ALG12: variants seen among roughly 807,000 people sequenced by gnomAD.
The protein encoded by ALG12 is dol-P-Man:Man(7)GlcNAc(2)-PP-Dol alpha-1,6-mannosyltransferase.
In ALG12, 36 loss-of-function variants were observed where a neutral mutation model predicts 46.0. The observed-to-expected ratio is 0.78, with a 90% CI of 0.60 to 1.03. The LOEUF (loss-of-function observed/expected upper bound fraction) is 1.03. ALG12 is among the 50% of genes least tolerant of loss of function. The pLI, the probability that ALG12 is intolerant of heterozygous loss-of-function variation, is 0.00. For synonymous variants in ALG12, 326 were observed against 291.6 expected, an observed-to-expected ratio of 1.12 and a Z score of -1.20; for missense variants, 599 against 633.5, an observed-to-expected ratio of 0.95 and a Z score of 0.58.
At chr22:49,909,741 G>A (rs1026478341) in intron 5 of ALG12, among the ~76,000 whole-genome samples, 153 bp downstream of exon 5, 5 of 152,164 alleles carry the variant, frequency 3.3e-5, no homozygotes, top group Admixed American at 6.5e-5. Flanking sequence ...GGAGATCCCC[G>A]GGCAGGGGGC....
At position 49,907,946 on chromosome 22, in the gene ALG12, T is replaced by G; in HGVS notation, c.769-2A>C. On this transcript the variant is annotated splice_acceptor_variant, in intron 6 of 9. Coordinates refer to ENST00000330817, the MANE Select transcript of ALG12 (RefSeq NM_024105.4). LOFTEE classifies it high-confidence loss of function. ...GAAGTACCACAGCAGCGGGGAGGTC[T>G]GCGGGCTGGGTTAAGGAGGCCACGC... 1 of 1,611,752 alleles carries G rather than the reference T, an allele frequency of 6.2e-7. No individual in the cohort carries two copies.
Position 49,913,496 on chromosome 22 carries a change from C to T in ALG12, c.184G>A (p.Gly62Arg), listed in dbSNP as rs777719396. Residue 62 changes from glycine to arginine, a missense_variant, in exon 3 of 10, where the codon GGA becomes AGA. Transcript: ENST00000330817. ...LEQYDHLEFP[G>R]VVPRTFLGPV... Reference sequence around the variant, plus strand: ...CCGAGGAACGTCCTGGGGACGACTCCGGGGAACTCAAGATGGTCGTACTGC... The same window carrying T: ...CCGAGGAACGTCCTGGGGACGACTCTGGGGAACTCAAGATGGTCGTACTGC... 1.1e-5 allele frequency: 18 copies of T among 1,613,812 alleles called. No individual in the cohort carries two copies. The highest frequency in any genetic ancestry group is 8.0e-5 in the African/African-American group (6 of 74,952).
At chr22:49,912,069 T>TC (rs112341610) in intron 3 of ALG12, among the ~76,000 whole-genome samples, 7,392 of 85,738 alleles carry the variant, frequency 0.086, 265 homozygotes, top group African/African-American at 0.32. Flanking sequence ...GGGATCAGCC[T>TC]GGCCCCGGGA....
intron 3 of ALG12, among the ~76,000 whole-genome samples, chr22:49,912,551 C>G (rs1446484112): frequency 6.6e-6 from 1 of 152,370 alleles, no homozygotes; most frequent in Middle Eastern, 3.4e-3. Flanking sequence ...CGTTCCCAAT[C>G]TGCCCCTTCA....
Position 49,904,358 on chromosome 22 carries a change from G to C in ALG12, c.1141C>G (p.Gln381Glu), listed in dbSNP as rs200913908. The C allele has an allele frequency of 1.1e-5, 17 of 1,614,110 alleles. No homozygotes were observed. Among genetic ancestry groups the C allele is most frequent in the Non-Finnish European group, 1.2e-5 (14 of 1,180,054 alleles). ...PGGVAMQRLHQLVPPQTDVLL... is the reference protein window; with the variant it reads ...PGGVAMQRLHELVPPQTDVLL... Reference sequence around the variant, plus strand: ...CCACCTGTCTGGGGGGGCACCAGCTGGTGCAGCCTCTGCATTGCGACGCCA... The same window carrying C: ...CCACCTGTCTGGGGGGGCACCAGCTCGTGCAGCCTCTGCATTGCGACGCCA... Residue 381 changes from glutamine (Q) to glutamate (E), a missense_variant, in exon 8 of 10, where the codon CAG (glutamine) becomes GAG (glutamate). By Grantham distance (29) the Gln-to-Glu change is conservative (BLOSUM62 2). Transcript: ENST00000330817.
the ALG12 span, among the ~76,000 whole-genome samples, chr22:49,894,248 G>A: frequency 6.6e-6 from 1 of 152,268 alleles, no homozygotes; most frequent in African/African-American, 2.4e-5. Context: ...GATGAAACTG[G>A]ACTAATACCT....
At chr22:49,904,581 G>C in intron 7 of ALG12, 75 bp from the exon 8 acceptor site, 1 of 1,540,198 alleles carries the variant, frequency 6.5e-7, no homozygotes, top group Non-Finnish European at 8.9e-7. Context: ...AAACATACTA[G>C]GAGCATAACC....
intron 7 of ALG12, among the ~76,000 whole-genome samples, chr22:49,904,822 C>T (rs908952142): frequency 3.9e-5 from 6 of 152,106 alleles, no homozygotes; most frequent in African/African-American, 1.4e-4. Context: ...TCACTGCAAC[C>T]TCCGCCTCCT....
the ALG12 span, among the ~76,000 whole-genome samples, chr22:49,864,950 C>CTCCCG: frequency 1.3e-5 from 1 of 74,736 alleles, no homozygotes; most frequent in South Asian, 6.0e-4. Flanking sequence ...CCCCCCCCCC[C>CTCCCG]CCGTGAAGTC....
In ALG12 at chr22:49,902,287, T is replaced by TGG. The variant is rs2060514840; in HGVS notation, c.*1550_*1551insCC. ...TGTGTGCATGTGTGCACTGTATGCA[T>TGG]AGTGTGCACGTGTGCACTGTGTGTG... On this transcript the variant is annotated 3_prime_UTR_variant, in exon 10 of 10. Transcript: ENST00000330817. The TGG allele has an allele frequency of 8.1e-6, 1 of 124,022 alleles. No homozygotes were observed. Among genetic ancestry groups the TGG allele is most frequent in the Admixed American group, 8.4e-5 (1 of 11,952 alleles). The allele number at this position is 124,022 out of a possible 1,614,324, so 7.7% of individuals were successfully genotyped here. A position where few individuals can be genotyped will look rare whatever the true frequency, so the allele number is the denominator to read the frequency against.
the ALG12 span, among the ~76,000 whole-genome samples, chr22:49,866,902 C>T: frequency 6.6e-6 from 1 of 152,180 alleles, no homozygotes; most frequent in Non-Finnish European, 1.5e-5. Context: ...GGCAAATGCA[C>T]GTTCTTACCT....
At chr22:49,862,207 T>C in the ALG12 span, among the ~76,000 whole-genome samples, 2 of 152,396 alleles carry the variant, frequency 1.3e-5, 1 homozygote, top group African/African-American at 4.8e-5. Flanking sequence ...GTTGGCCCTG[T>C]GCGTGGAACC....
chr22:49,869,210 A>C, the ALG12 span, among the ~76,000 whole-genome samples: 3 of 151,936 alleles, frequency 2.0e-5, no homozygotes, highest in East Asian at 5.8e-4. Flanking sequence ...TGGCGGTGTC[A>C]GTGTGAAGTT....
chr22:49,863,603 G>C, the ALG12 span, among the ~76,000 whole-genome samples: 1 of 151,350 alleles, frequency 6.6e-6, no homozygotes, highest in Non-Finnish European at 1.5e-5. Flanking sequence ...CTCCAGCCTG[G>C]GGACAGAGCG....
At chr22:49,887,008 G>A in the ALG12 span, 17 of 1,613,970 alleles carry the variant, frequency 1.1e-5, no homozygotes, top group East Asian at 4.5e-5. Flanking sequence ...GGGGCTGTCC[G>A]CGCTGGCCGT....
At chr22:49,866,527 C>T in the ALG12 span, among the ~76,000 whole-genome samples, 1 of 152,044 alleles carries the variant, frequency 6.6e-6, no homozygotes, top group South Asian at 2.1e-4. Flanking sequence ...TTTTGTGGGA[C>T]CTATAATCTC....
intron 1 of ALG12, among the ~76,000 whole-genome samples, chr22:49,915,984 G>A (rs2060607038): frequency 1.3e-5 from 2 of 152,228 alleles, no homozygotes; most frequent in Non-Finnish European, 2.9e-5. Context: ...CAGCAGCCGG[G>A]AGCGGTGGCT....
chr22:49,881,056 C>A, the ALG12 span, among the ~76,000 whole-genome samples: 2 of 152,298 alleles, frequency 1.3e-5, no homozygotes, highest in East Asian at 1.9e-4. Flanking sequence ...AAAAATGTTT[C>A]ATTTTCTGGC....
the ALG12 span, chr22:49,886,364 G>A: frequency 1.7e-5 from 27 of 1,610,652 alleles, no homozygotes; most frequent in East Asian, 2.2e-5. The surrounding 1 kb of genome is among the most constrained non-coding windows in gnomAD (Gnocchi z 7.7). Context: ...ATGCTCGAGC[G>A]GCTCATTGAG....
Sources: gnomAD v4.1 joint callset for allele counts (sites outside exome capture counted in the v4.1 genomes callset) on GRCh38, gnomAD v4.1.1 for gene constraint, Gnocchi (gnomAD v3.1) non-coding constraint, MANE v1.5 for transcripts, NCBI Gene and HGNC (gene_info 2026-07-23, HGNC 2026-07-21) for gene names.